Variants in PDE1C observed in about 807,000 individuals in gnomAD.
The protein encoded by PDE1C is phosphodiesterase 1C.
PDE1C carries 62 observed loss-of-function variants against 93.1 expected under a neutral mutation model. The ratio of observed to expected loss-of-function variants is 0.67; its 90% CI spans 0.54 to 0.82. PDE1C has a LOEUF of 0.82. Ranked by LOEUF, PDE1C falls within the 40% of genes least tolerant of loss-of-function variation. The pLI, the probability that PDE1C is intolerant of heterozygous loss-of-function variation, is 0.00. For synonymous variants in PDE1C, 325 were observed against 310.1 expected (o/e 1.05, Z -0.50); for missense variants, 742 against 884.6 (o/e 0.84, Z 2.04).
At chr7:32,219,713 A>G (rs1806698172) in intron 1 of PDE1C, among the ~76,000 whole-genome samples, 1 of 152,194 alleles carries the variant, frequency 6.6e-6, no homozygotes, top group Admixed American at 6.5e-5. Context: ...GCCCCCTGCA[A>G]TCCTGGCCTC....
chr7:31,887,139 C>G (rs1180815139), intron 2 of PDE1C, among the ~76,000 whole-genome samples: 2 of 152,034 alleles, frequency 1.3e-5, no homozygotes, highest in Non-Finnish European at 2.9e-5. Context: ...CTGAACAGCA[C>G]AGTGTGAATA....
chr7:31,793,882 A>G (rs1251300794), intron 16 of PDE1C, among the ~76,000 whole-genome samples: 1 of 151,910 alleles, frequency 6.6e-6, no homozygotes, highest in East Asian at 1.9e-4. Context: ...TTTCACTACA[A>G]ATAATATCCA....
the PDE1C span, among the ~76,000 whole-genome samples, chr7:31,618,008 C>T: frequency 6.6e-6 from 1 of 152,130 alleles, no homozygotes; most frequent in Non-Finnish European, 1.5e-5. Flanking sequence ...TTTATGCTGT[C>T]AGAGCGTTTC....
chr7:31,877,880 T>C (rs1312040165), intron 5 of PDE1C, 90 bp downstream of exon 5: 1 of 769,500 alleles, frequency 1.3e-6, no homozygotes, highest in Non-Finnish European at 2.1e-6. Flanking sequence ...GAAAAGTAAC[T>C]GTAAATGAAA....
chr7:31,642,620 C>T, the PDE1C span: 1 of 1,472,654 alleles, frequency 6.8e-7, no homozygotes, highest in South Asian at 1.3e-5. Context: ...AAAATCTCAC[C>T]TTAAACCTAT....
chr7:31,793,675 C>CA (rs1784837205), intron 16 of PDE1C, among the ~76,000 whole-genome samples: 2 of 98,336 alleles, frequency 2.0e-5, no homozygotes, highest in Non-Finnish European at 4.9e-5. Context: ...AATGGGTCCT[C>CA]GTTTTTTTTT....
At chr7:32,302,109 C>G (rs1293164956), upstream of PDE1C, among the ~76,000 whole-genome samples, 3 of 152,188 alleles carry the variant, frequency 2.0e-5, no homozygotes, top group African/African-American at 7.2e-5. Context: ...ATATGGCCTG[C>G]AAAGCCAAAA....
chr7:31,693,566 T>G, the PDE1C span, among the ~76,000 whole-genome samples: 1 of 152,180 alleles, frequency 6.6e-6, no homozygotes, highest in East Asian at 1.9e-4. Context: ...GAGAAAAGAG[T>G]ATAACACCGT....
At chr7:31,645,275 C>T in the PDE1C span, among the ~76,000 whole-genome samples, 9 of 152,144 alleles carry the variant, frequency 5.9e-5, no homozygotes, top group South Asian at 1.9e-3. Flanking sequence ...TACTACTTGG[C>T]CTTTCAATGT....
intron 1 of PDE1C, among the ~76,000 whole-genome samples, chr7:32,354,490 G>C (rs1783994458): frequency 6.6e-6 from 1 of 152,136 alleles, no homozygotes; most frequent in South Asian, 2.1e-4. Context: ...TATTAACTGA[G>C]CATGGTGATG....
chr7:31,879,834 T>C (rs1168016839), intron 3 of PDE1C, among the ~76,000 whole-genome samples: 1 of 152,082 alleles, frequency 6.6e-6, no homozygotes, highest in Non-Finnish European at 1.5e-5. Flanking sequence ...AAACCTAAAA[T>C]AGCATGTCAT....
At chr7:31,651,124 C>G in the PDE1C span, 1 of 1,608,086 alleles carries the variant, frequency 6.2e-7, no homozygotes, top group Non-Finnish European at 8.5e-7. Context: ...CTTCTCAGTT[C>G]TTTCTCATTG....
intron 1 of PDE1C, among the ~76,000 whole-genome samples, chr7:32,331,404 A>G (rs1279652066): frequency 6.6e-6 from 1 of 152,230 alleles, no homozygotes; most frequent in Non-Finnish European, 1.5e-5. Flanking sequence ...GACATGCAAA[A>G]AAGACAGAAA....
intron 1 of PDE1C, among the ~76,000 whole-genome samples, chr7:32,283,470 G>A (rs1042528424): frequency 6.6e-6 from 1 of 152,156 alleles, no homozygotes; most frequent in African/African-American, 2.4e-5. Context: ...ACAATCATAT[G>A]TTTAACTTGC....
At chr7:31,962,387 T>G (rs893373142) in intron 2 of PDE1C, among the ~76,000 whole-genome samples, 1 of 152,218 alleles carries the variant, frequency 6.6e-6, no homozygotes, top group Non-Finnish European at 1.5e-5. Context: ...GTTTGGTATA[T>G]GTCAGACCAT....
At chr7:31,868,011 C>T (rs921536201) in intron 6 of PDE1C, among the ~76,000 whole-genome samples, 13 of 152,228 alleles carry the variant, frequency 8.5e-5, no homozygotes, top group Non-Finnish European at 1.3e-4. Flanking sequence ...AAGTTCTCTA[C>T]TCAACCAACA....
chr7:32,072,087 C>A (rs1796096318), upstream of PDE1C, among the ~76,000 whole-genome samples: 1 of 152,192 alleles, frequency 6.6e-6, no homozygotes. Flanking sequence ...GTTCCATTCA[C>A]CTGACCTTAA....
intron 1 of PDE1C, among the ~76,000 whole-genome samples, chr7:32,238,031 A>G (rs1003746994): frequency 6.6e-6 from 1 of 152,014 alleles, no homozygotes; most frequent in Admixed American, 6.6e-5. Flanking sequence ...CGGCCTCCCA[A>G]AGTGCTGGGA....
At chr7:32,058,574 C>T (rs1794406219) in intron 1 of PDE1C, among the ~76,000 whole-genome samples, 1 of 152,196 alleles carries the variant, frequency 6.6e-6, no homozygotes, top group Non-Finnish European at 1.5e-5. Context: ...GGATCTCTTA[C>T]ATCATTTGTA....
Sources: allele counts gnomAD v4.1 joint callset (sites outside exome capture counted in the v4.1 genomes callset), GRCh38; gene constraint gnomAD v4.1.1; transcripts MANE v1.5; gene names NCBI Gene and HGNC (gene_info 2026-07-23, HGNC 2026-07-21).